MEIS1: variants seen among roughly 807,000 people sequenced by gnomAD.
MEIS1 encodes Meis homeobox 1, also known as homeobox protein Meis1.
MEIS1 carries 5 observed loss-of-function variants against 50.8 expected under a neutral mutation model. The observed-to-expected ratio is 0.10, with a 90% CI of 0.05 to 0.21. The LOEUF is 0.21. MEIS1 is among the 10% of genes least tolerant of loss of function. MEIS1 has a pLI of 1.00. For synonymous variants in MEIS1, 176 were observed against 179.3 expected (o/e 0.98, Z 0.15); for missense variants, 318 against 517.3 (o/e 0.61, Z 3.74).
chr2:66,502,050 A>T (rs372664078), intron 7 of MEIS1, among the ~76,000 whole-genome samples: 27 of 152,348 alleles, frequency 1.8e-4, no homozygotes, highest in African/African-American at 6.5e-4. Flanking sequence ...CATTTATTTC[A>T]ACAGGGTGGA....
intron 6 of MEIS1, among the ~76,000 whole-genome samples, chr2:66,455,148 T>A (rs545074064): frequency 6.6e-6 from 1 of 152,202 alleles, no homozygotes; most frequent in Non-Finnish European, 1.5e-5. Flanking sequence ...TTTAGCATAT[T>A]GAGGCTTTAT....
chr2:66,538,890 T>TG (rs1160286709), intron 8 of MEIS1, among the ~76,000 whole-genome samples: 176 of 151,870 alleles, frequency 1.2e-3, no homozygotes, highest in African/African-American at 4.0e-3. Flanking sequence ...TTTTTTTTTT[T>TG]TTTGTTTGTT....
chr2:66,560,158 A>G (rs1365831617), intron 9 of MEIS1, among the ~76,000 whole-genome samples: 1 of 149,362 alleles, frequency 6.7e-6, no homozygotes, highest in African/African-American at 2.5e-5. Flanking sequence ...CTTTCAAGGA[A>G]AATTTTCTGT....
intron 12 of MEIS1, chr2:66,570,949 A>C: frequency 3.1e-6 from 1 of 327,010 alleles, no homozygotes; most frequent in Non-Finnish European, 5.6e-6. Context: ...TTCAGGAGAC[A>C]AAAGTGCTTC....
intron 8 of MEIS1, among the ~76,000 whole-genome samples, chr2:66,515,928 A>G (rs1673956153): frequency 6.6e-6 from 1 of 152,216 alleles, no homozygotes. Flanking sequence ...GGCATATGTC[A>G]TATCAAGGTT....
At chr2:66,556,671 C>T (rs1236222776) in intron 9 of MEIS1, among the ~76,000 whole-genome samples, 1 of 151,998 alleles carries the variant, frequency 6.6e-6, no homozygotes, top group African/African-American at 2.4e-5. Context: ...TTTTGTTGGC[C>T]TATATCACTA....
Position 66,567,446 on chromosome 2 carries a change from G to T in MEIS1, c.966-7G>T. 2 of 1,613,328 alleles carry T rather than the reference G, an allele frequency of 1.2e-6. No individual in the cohort carries two copies. The highest frequency in any genetic ancestry group is 1.7e-6 in the Non-Finnish European group (2 of 1,179,678). On this transcript the variant is annotated splice_polypyrimidine_tract_variant and splice_region_variant and intron_variant, in intron 9 of 12. Transcript: ENST00000272369. ...AATAACGATTTGTTTCACTTTCTTG[G>T]TTACAGGTTTATTAATGCCCGGAGA...
chr2:66,566,352 C>G (rs911364484), intron 9 of MEIS1, among the ~76,000 whole-genome samples: 2 of 152,246 alleles, frequency 1.3e-5, no homozygotes, highest in African/African-American at 4.8e-5. Context: ...CTGAAGTGGG[C>G]AGATTTACAA....
At chr2:66,493,347 T>C (rs1250039737) in intron 7 of MEIS1, among the ~76,000 whole-genome samples, 3 of 152,204 alleles carry the variant, frequency 2.0e-5, no homozygotes, top group African/African-American at 7.2e-5. Flanking sequence ...TATAGTTATT[T>C]ACCCTCTCCC....
At chr2:66,563,332 T>C (rs922213115) in intron 9 of MEIS1, among the ~76,000 whole-genome samples, 4 of 152,306 alleles carry the variant, frequency 2.6e-5, no homozygotes, top group East Asian at 1.9e-4. Flanking sequence ...TGTCATTCTT[T>C]TTTATATTTC....
chr2:66,443,218 A>C (rs1474756769), intron 6 of MEIS1, 170 bp downstream of exon 6: 1 of 706,994 alleles, frequency 1.4e-6, no homozygotes, highest in Non-Finnish European at 2.1e-6. Flanking sequence ...TTGCTTCATT[A>C]AGGCTGGCTC....
At chr2:66,473,397 A>AAAAAAAAATATAT in intron 7 of MEIS1, among the ~76,000 whole-genome samples, 3 of 107,592 alleles carry the variant, frequency 2.8e-5, no homozygotes, top group African/African-American at 1.7e-4. Flanking sequence ...AAAAAAAAAA[A>AAAAAAAAATATAT]ATATATATAT....
intron 8 of MEIS1, among the ~76,000 whole-genome samples, chr2:66,526,389 T>C (rs1009032495): frequency 1.3e-5 from 2 of 152,194 alleles, no homozygotes; most frequent in African/African-American, 4.8e-5. Context: ...AAGTCACCCA[T>C]GGCAGGCCGG....
intron 8 of MEIS1, among the ~76,000 whole-genome samples, chr2:66,519,749 C>T (rs1462749014): frequency 6.6e-6 from 1 of 152,006 alleles, no homozygotes; most frequent in Non-Finnish European, 1.5e-5. Flanking sequence ...AGGCCAACAT[C>T]CTAAATTAGT....
chr2:66,438,002 A>C, intron 2 of MEIS1, 39 bp downstream of exon 2: 6 of 1,502,062 alleles, frequency 4.0e-6, no homozygotes, highest in Non-Finnish European at 4.5e-6. Context: ...GTTGAGACTC[A>C]ACGCTTCCCT....
rs1181882498 is a variant in MEIS1 at position 66,563,445 on chromosome 2, T to C, written c.966-4008T>C. On this transcript the variant is annotated intron_variant, in intron 9 of 12. Coordinates refer to ENST00000272369, the MANE Select transcript of MEIS1 (RefSeq NM_002398.3). ...GAACACACAGACACACACACATACA[T>C]ATAGGATTAAGATAACTATTTTACT... 3.3e-5 allele frequency among the ~76,000 whole-genome samples: 5 copies of C among 152,162 alleles called. No individual in the cohort carries two copies. The South Asian group carries it at 6.2e-4, about 19-fold the overall frequency.
At chr2:66,496,977 T>G (rs1673421319) in intron 7 of MEIS1, among the ~76,000 whole-genome samples, 1 of 152,206 alleles carries the variant, frequency 6.6e-6, no homozygotes, top group Non-Finnish European at 1.5e-5. Context: ...TTGACTAAGA[T>G]ACACTCACAT....
Position 66,568,292 on chromosome 2 carries a change from A to T in MEIS1, c.1025-375A>T, listed in dbSNP as rs1675398852. Reference sequence around the variant, plus strand: ...TTTGCTAGGGGTGATGTGAGTCTTTACTTTCTTTATGAAATACTCTCTCAT... The same window carrying T: ...TTTGCTAGGGGTGATGTGAGTCTTTTCTTTCTTTATGAAATACTCTCTCAT... On this transcript the variant is annotated intron_variant, in intron 10 of 12. Transcript: ENST00000272369. 1.6e-5 allele frequency: 3 copies of T among 189,200 alleles called. No homozygotes were observed. In the South Asian group the frequency reaches 3.3e-4, roughly 21 times the overall value. The allele number at this position is 189,200 out of a possible 1,614,324, so 11.7% of individuals were successfully genotyped here.
chr2:66,505,316 A>C (rs1673660713), intron 7 of MEIS1, among the ~76,000 whole-genome samples: 1 of 152,194 alleles, frequency 6.6e-6, no homozygotes, highest in South Asian at 2.1e-4. Context: ...TGAGGCCTGA[A>C]GATCCCTTGA....
Sources: allele counts gnomAD v4.1 joint callset (sites outside exome capture counted in the v4.1 genomes callset), GRCh38; gene constraint gnomAD v4.1.1; transcripts MANE v1.5; gene names NCBI Gene and HGNC (gene_info 2026-07-23, HGNC 2026-07-21).